TMEM41A: variants seen among roughly 807,000 people sequenced by gnomAD.
TMEM41A encodes transmembrane protein 41A.
Under a neutral mutation model 25.7 loss-of-function variants are expected in TMEM41A, and 20 were observed. That is an observed-to-expected ratio of 0.78 (90% CI 0.55 to 1.13). TMEM41A has a LOEUF of 1.13. TMEM41A is among the 50% of genes most tolerant of loss of function. The pLI is 0.00. For synonymous variants in TMEM41A, 133 were observed against 139.6 expected, an observed-to-expected ratio of 0.95 and a Z score of 0.33; for missense variants, 299 against 314.3, an observed-to-expected ratio of 0.95 and a Z score of 0.37.
In TMEM41A at chr3:185,490,965, C is replaced by CA. The variant is rs1281840604; in HGVS notation, c.*571dup. 3 of 151,582 alleles carry CA rather than the reference C, an allele frequency of 2.0e-5. No homozygotes were observed. The highest frequency in any genetic ancestry group is 4.4e-5 in the Non-Finnish European group (3 of 68,296). 9.4% of individuals were successfully genotyped at this position (151,582 alleles called of 1,614,324 possible). On this transcript the variant is annotated 3_prime_UTR_variant, in exon 5 of 5. Coordinates refer to ENST00000421852, the MANE Select transcript of TMEM41A (RefSeq NM_080652.4). ...CTATCCCGAACTCCTTATTAGACCACAAAATACAAACAGCATTTTCTTTTT... is the reference window on the plus strand; with the variant it reads ...CTATCCCGAACTCCTTATTAGACCACAAAAATACAAACAGCATTTTCTTTTT...
intron 1 of TMEM41A, among the ~76,000 whole-genome samples, chr3:185,497,353 C>T (rs114228488): frequency 1.4e-3 from 216 of 152,308 alleles, no homozygotes; most frequent in African/African-American, 5.0e-3. Context: ...GGATTCATTT[C>T]CAGGCAAGTT....
At position 185,490,697 on chromosome 3, in the gene TMEM41A, A is replaced by T. The variant is rs1178961435; in HGVS notation, c.*840T>A. 2 of 152,236 alleles carry T rather than the reference A, an allele frequency of 1.3e-5. No homozygotes were observed. The highest frequency in any genetic ancestry group is 2.9e-5 in the Non-Finnish European group (2 of 68,052). The allele number at this position is 152,236 out of a possible 1,614,324, so 9.4% of individuals were successfully genotyped here. ...GTCAACTTGTTTCACTTGGCTTATG[A>T]AGAGGTAGGTCATCAGCAAAGAAGT... On this transcript the variant is annotated 3_prime_UTR_variant, in exon 5 of 5. Coordinates refer to ENST00000421852, the MANE Select transcript of TMEM41A (RefSeq NM_080652.4).
chr3:185,490,361 G>A lies in TMEM41A; in HGVS notation c.*1176C>T, dbSNP rs2148937832. 6.6e-6 allele frequency: 1 copy of A among 152,306 alleles called. No individual in the cohort carries two copies. Among genetic ancestry groups the A allele is most frequent in the African/African-American group, 2.4e-5 (1 of 41,574 alleles). 9.4% of individuals were successfully genotyped at this position (152,306 alleles called of 1,614,324 possible). A position where few individuals can be genotyped will look rare whatever the true frequency, so the allele number is the denominator to read the frequency against. ...ATACTGCCTGATGGCCCCATATACT[G>A]AACCCATTCTCCTAGCATGACACAG... is the stretch of plus-strand genomic sequence containing the variant. On this transcript the variant is annotated 3_prime_UTR_variant, in exon 5 of 5. Coordinates refer to ENST00000421852, the MANE Select transcript of TMEM41A (RefSeq NM_080652.4).
chr3:185,492,980 T>C (rs1719001860), intron 4 of TMEM41A: 1 of 152,168 alleles, frequency 6.6e-6, no homozygotes, highest in Non-Finnish European at 1.5e-5. Context: ...ATCTTGCTTC[T>C]ATTTAAGATC....
At position 185,496,876 on chromosome 3, in the gene TMEM41A, G is replaced by T. The variant is rs539632776; in HGVS notation, c.225C>A (p.Gly75=). 28 of 1,607,204 alleles carry T rather than the reference G, an allele frequency of 1.7e-5. No individual in the cohort carries two copies. The highest frequency in any genetic ancestry group is 3.3e-4 in the Middle Eastern group (2 of 6,048). Residue 75 remains glycine (G), a synonymous_variant, in exon 2 of 5, where the codon GGC becomes GGA. Coordinates refer to ENST00000421852, the MANE Select transcript of TMEM41A (RefSeq NM_080652.4). ...HQAYVFLLFC[G]AYLYKQGFAI... is the part of the protein sequence containing the mutation. ...CAAAGCCCTGTTTGTAGAGGTAGGC[G>T]CCGCAGAAGAGCAGGAACACGTAGG... is the stretch of plus-strand genomic sequence containing the variant.
At position 185,497,026 on chromosome 3, in the gene TMEM41A, C is replaced by G. The variant is rs1157865081; in HGVS notation, c.120-45G>C. The G allele has an allele frequency of 2.6e-6, 4 of 1,552,688 alleles. No homozygotes were observed. In the Admixed American group the frequency reaches 5.9e-5, roughly 23 times the overall value. ...GATGGAAACATGAGTTCAGATCAGT[C>G]CAGTGCCCATGAAAGTCACTCGCTG... On this transcript the variant is annotated intron_variant, in intron 1 of 4. Coordinates refer to ENST00000421852, the MANE Select transcript of TMEM41A (RefSeq NM_080652.4).
chr3:185,491,004 T>C lies in TMEM41A; in HGVS notation c.*533A>G, dbSNP rs554879922. On this transcript the variant is annotated 3_prime_UTR_variant, in exon 5 of 5. Transcript: ENST00000421852. ...CATTTTCTTTTTTTCTCTTTTTTTT[T>C]TTTTTTTTGTCAAGACAGTGTCTCA... The C allele has an allele frequency of 6.7e-6, 1 of 149,128 alleles. No homozygotes were observed. The highest frequency in any genetic ancestry group is 1.9e-4 in the East Asian group (1 of 5,156). The allele number at this position is 149,128 out of a possible 1,614,324, so 9.2% of individuals were successfully genotyped here.
At chr3:185,497,194 A>G (rs1719129622) in intron 1 of TMEM41A, among the ~76,000 whole-genome samples, 1 of 152,228 alleles carries the variant, frequency 6.6e-6, no homozygotes, top group African/African-American at 2.4e-5. Flanking sequence ...GACCTGGGTT[A>G]GCATCCCAAC....
At position 185,491,625 on chromosome 3, in the gene TMEM41A, C is replaced by T. The variant is rs139252054; in HGVS notation, c.707G>A (p.Gly236Glu). The T allele has an allele frequency of 9.2e-3, 14,929 of 1,614,098 alleles. 87 individuals are homozygous for T. Among genetic ancestry groups the T allele is most frequent in the Middle Eastern group, 0.018 (108 of 6,062 alleles). ...LAIAMVALIPGTLIKKFSQKH... is the reference protein window; with the variant it reads ...LAIAMVALIPETLIKKFSQKH... The stretch of plus-strand genomic sequence containing the variant: ...CTGACTAAATTTTTTAATGAGGGTT[C>T]CAGGAATTAATGCCACCATGGCAAT... The change falls in exon 5 of 5, where the codon GGA becomes GAA. Residue 236 changes from glycine to glutamate, a missense_variant. Gly to Glu is a moderately conservative substitution (Grantham distance 98, BLOSUM62 -2). Transcript: ENST00000421852.
intron 2 of TMEM41A, chr3:185,496,607 C>T (rs1027648152): frequency 3.0e-5 from 18 of 602,678 alleles, no homozygotes; most frequent in African/African-American, 2.2e-4. Flanking sequence ...AGGAGAGAAA[C>T]AGGCTGGGGT....
intron 4 of TMEM41A, chr3:185,492,588 G>A: frequency 6.6e-6 from 1 of 152,386 alleles, no homozygotes; most frequent in Non-Finnish European, 1.5e-5. Flanking sequence ...GAACAGGCTG[G>A]CTGCAGAACA....
chr3:185,496,839 AGCC>A lies in TMEM41A; in HGVS notation c.259_261del (p.Gly87del), dbSNP rs770384919. ...GGCAGGACACTGACCAGGAAGCTGG[AGCC>A]GGGGATGGCAAAGCCCTGTTTGTAG... On this transcript the variant is annotated inframe_deletion, in exon 2 of 5. Transcript: ENST00000421852. 6.2e-7 allele frequency: 1 copy of A among 1,607,012 alleles called. No individual in the cohort carries two copies. Among genetic ancestry groups the A allele is most frequent in the Non-Finnish European group, 8.5e-7 (1 of 1,177,812 alleles).
chr3:185,498,527 G>T, intron 1 of TMEM41A: 1 of 269,808 alleles, frequency 3.7e-6, no homozygotes, highest in Non-Finnish European at 7.0e-6. Context: ...AAGCAACGGC[G>T]CGGGCAGGCT....
chr3:185,492,228 G>C (rs888033157), intron 4 of TMEM41A: 1 of 153,900 alleles, frequency 6.5e-6, no homozygotes, highest in Non-Finnish European at 1.4e-5. Flanking sequence ...CTGGAACCTG[G>C]GAGGCAGAGG....
Position 185,494,711 on chromosome 3 carries a change from A to G in TMEM41A, c.486T>C (p.Leu162=), listed in dbSNP as rs745910019. 6.2e-7 allele frequency: 1 copy of G among 1,613,026 alleles called. No individual in the cohort carries two copies. The highest frequency in any genetic ancestry group is 1.3e-5 in the African/African-American group (1 of 74,854). The part of the protein sequence containing the change: ...SLFFFLLFLR[L]FPMTPNWFLN... ...AGAACCAGTTTGGTGTCATGGGGAA[A>G]AGTCTCAAAAACAATAAGAAAAAAA... Residue 162 remains leucine, a synonymous_variant, in exon 4 of 5, where the codon CTT becomes CTC. Coordinates refer to ENST00000421852, the MANE Select transcript of TMEM41A (RefSeq NM_080652.4).
In TMEM41A at chr3:185,498,904, A is replaced by G. The variant is rs367798989; in HGVS notation, c.58T>C (p.Leu20=). Residue 20 remains leucine (L), a synonymous_variant, in exon 1 of 5, where the codon TTG becomes CTG. Transcript: ENST00000421852. The stretch of plus-strand genomic sequence containing the variant: ...CCGCGGGGCAGTCGCGTCGACAGCA[A>G]GTACAAGGCGAAGGTGCAGCCGGCG... The part of the protein sequence containing the change: ...VFAGCTFALY[L]LSTRLPRGRR... 3.9e-5 allele frequency: 62 copies of G among 1,606,218 alleles called. No homozygotes were observed. The highest frequency in any genetic ancestry group is 5.1e-5 in the Non-Finnish European group (60 of 1,177,192).
intron 4 of TMEM41A, 100 bp downstream of exon 4, chr3:185,494,523 T>C: frequency 7.6e-7 from 1 of 1,311,074 alleles, no homozygotes; most frequent in Admixed American, 2.7e-5. Flanking sequence ...TGTGAGCCTG[T>C]GTTCTCAGAA....
chr3:185,495,242 G>C lies in TMEM41A; in HGVS notation c.347C>G (p.Ala116Gly). Residue 116 changes from alanine (A) to glycine (G), a missense_variant, in exon 3 of 5, where the codon GCC becomes GGC. Physicochemically the swap from Ala to Gly is moderately conservative, Grantham distance 60. Coordinates refer to ENST00000421852, the MANE Select transcript of TMEM41A (RefSeq NM_080652.4). ...ACTGGAGAGCAGGTAGCAGCATGTG[G>C]CACCCACCGAGGTCAACACACAGCA... ...LLCCVLTSVG[A>G]TCCYLLSSIF... is the part of the protein sequence containing the mutation. The C allele has an allele frequency of 6.2e-7, 1 of 1,613,782 alleles. No individual in the cohort carries two copies. The highest frequency in any genetic ancestry group is 8.5e-7 in the Non-Finnish European group (1 of 1,179,980).
chr3:185,496,750 C>T, intron 2 of TMEM41A, 78 bp downstream of exon 2: 1 of 1,515,614 alleles, frequency 6.6e-7, no homozygotes, highest in Non-Finnish European at 8.9e-7. Flanking sequence ...CCCCACACAA[C>T]AATCCCATGA....
Sources: gnomAD v4.1 joint callset for allele counts (sites outside exome capture counted in the v4.1 genomes callset) on GRCh38, gnomAD v4.1.1 for gene constraint, MANE v1.5 for transcripts, NCBI Gene and HGNC (gene_info 2026-07-23, HGNC 2026-07-21) for gene names.